The following DGKB variants were observed in gnomAD, a reference collection of about 807,000 sequenced individuals.
DGKB encodes the protein diacylglycerol kinase beta.
Under a neutral mutation model 114.3 loss-of-function variants are expected in DGKB, and 67 were observed. That is an observed-to-expected ratio of 0.59 (90% CI 0.48 to 0.72). The LOEUF is 0.72. DGKB is among the 30% of genes least tolerant of loss of function. DGKB has a pLI of 0.00. For synonymous variants in DGKB, 398 were observed against 323.1 expected (o/e 1.23, Z -2.49); for missense variants, 907 against 975.2 (o/e 0.93, Z 0.93).
intron 21 of DGKB, among the ~76,000 whole-genome samples, chr7:14,358,943 A>G (rs1815149519): frequency 6.6e-6 from 1 of 152,098 alleles, no homozygotes; most frequent in Non-Finnish European, 1.5e-5. Context: ...TTGGAAAAAA[A>G]CTACCTTAAA....
chr7:14,467,557 C>T (rs2128880594), intron 21 of DGKB, among the ~76,000 whole-genome samples: 1 of 152,116 alleles, frequency 6.6e-6, no homozygotes, highest in East Asian at 1.9e-4. Context: ...GGAACCATGG[C>T]ATTACATATC....
rs1781345055 is a variant in DGKB at position 14,145,107 on chromosome 7, A to C, written c.*4024T>G. ...ATATTGTATATATCATTTCTGAGAA[A>C]ATAATTAAGGTACTATAATTAAGTT... is the stretch of plus-strand genomic sequence containing the variant. On this transcript the variant is annotated 3_prime_UTR_variant, in exon 26 of 26. Transcript: ENST00000402815. The C allele has an allele frequency of 2.6e-5, 4 of 152,160 alleles. No homozygotes were observed. In the South Asian group the frequency reaches 8.3e-4, roughly 32 times the overall value. The allele number at this position is 152,160 out of a possible 1,614,324, so 9.4% of individuals were successfully genotyped here. A position where few individuals can be genotyped will look rare whatever the true frequency, so the allele number is the denominator to read the frequency against.
rs541898495 is a variant in DGKB, at chr7:14,516,147, C to G, written c.1771-37922G>C. 7.2e-5 allele frequency among the ~76,000 whole-genome samples: 11 copies of G among 152,144 alleles called. No individual in the cohort carries two copies. The East Asian group carries it at 2.1e-3, about 29-fold the overall frequency. ...ACAGGCATGAGCCACTGTGCTCAGCCATATTTTTAAAGAAAAACAATTTTT... is the reference window on the plus strand; with the variant it reads ...ACAGGCATGAGCCACTGTGCTCAGCGATATTTTTAAAGAAAAACAATTTTT... On this transcript the variant is annotated intron_variant, in intron 20 of 25. Transcript: ENST00000402815.
At chr7:14,316,456 C>T (rs1249070522) in intron 23 of DGKB, among the ~76,000 whole-genome samples, 19 of 130,598 alleles carry the variant, frequency 1.5e-4, no homozygotes, top group African/African-American at 3.1e-5. Flanking sequence ...GGGGATATCA[C>T]CACCGATCCC....
intron 13 of DGKB, among the ~76,000 whole-genome samples, chr7:14,634,410 G>T (rs534418746): frequency 1.3e-5 from 2 of 148,762 alleles, no homozygotes; most frequent in Non-Finnish European, 3.0e-5. Context: ...TAAGTGGTTT[G>T]GAAATAAAAT....
chr7:14,929,379 T>A (rs1784894075), intron 1 of DGKB, among the ~76,000 whole-genome samples: 1 of 152,080 alleles, frequency 6.6e-6, no homozygotes, highest in Non-Finnish European at 1.5e-5. Flanking sequence ...TATCTCCGCA[T>A]CCTCACCAAC....
chr7:14,477,384 A>G (rs1028588161), intron 21 of DGKB, among the ~76,000 whole-genome samples: 1 of 152,198 alleles, frequency 6.6e-6, no homozygotes, highest in African/African-American at 2.4e-5. Context: ...AAAGTCACTT[A>G]AATATCTATA....
intron 23 of DGKB, among the ~76,000 whole-genome samples, chr7:14,330,688 A>T (rs570282973): frequency 6.6e-6 from 1 of 152,138 alleles, no homozygotes; most frequent in Middle Eastern, 3.4e-3. Context: ...TACCTTCAGA[A>T]GACATATGAG....
At chr7:14,757,348 A>C (rs1011056959) in intron 3 of DGKB, among the ~76,000 whole-genome samples, 1 of 152,070 alleles carries the variant, frequency 6.6e-6, no homozygotes, top group African/African-American at 2.4e-5. Context: ...TATTCTTTCA[A>C]GCATACAATA....
intron 13 of DGKB, among the ~76,000 whole-genome samples, chr7:14,663,007 A>G (rs1404612): frequency 0.81 from 123,409 of 151,840 alleles, 50,241 homozygotes; most frequent in East Asian, 0.89. Context: ...ATGCATAGTT[A>G]TAAGCAATTT....
At chr7:14,877,071 C>T (rs1853401237) in intron 1 of DGKB, among the ~76,000 whole-genome samples, 1 of 152,044 alleles carries the variant, frequency 6.6e-6, no homozygotes, top group Non-Finnish European at 1.5e-5. Context: ...CTCATATAAC[C>T]ACAGTTAATC....
intron 21 of DGKB, among the ~76,000 whole-genome samples, chr7:14,448,473 C>A (rs1831029704): frequency 6.6e-6 from 1 of 151,922 alleles, no homozygotes; most frequent in Non-Finnish European, 1.5e-5. Flanking sequence ...TTTGATAAGA[C>A]TGGAAAGTGG....
intron 25 of DGKB, among the ~76,000 whole-genome samples, chr7:14,164,699 C>T (rs1043232952): frequency 4.0e-5 from 6 of 151,840 alleles, no homozygotes; most frequent in African/African-American, 9.7e-5. Context: ...ACACTTTGGC[C>T]GAATTTCAAA....
intron 1 of DGKB, among the ~76,000 whole-genome samples, chr7:14,974,371 G>C (rs991861327): frequency 6.6e-6 from 1 of 151,976 alleles, no homozygotes; most frequent in East Asian, 1.9e-4. Flanking sequence ...TTAAATCTTT[G>C]CTTAATTAAA....
intron 7 of DGKB, among the ~76,000 whole-genome samples, chr7:14,699,758 T>C (rs998201210): frequency 6.6e-6 from 1 of 152,078 alleles, no homozygotes; most frequent in Admixed American, 6.6e-5. Flanking sequence ...AGAAATGAAA[T>C]CCAGGCCTTT....
chr7:14,951,008 T>A lies in DGKB; in HGVS notation c.-188+23688A>T, dbSNP rs560015224. On this transcript the variant is annotated intron_variant, in intron 1 of 4. Coordinates refer to the DGKB transcript ENST00000437998. Reference sequence around the variant, plus strand: ...AACAGAAAGCATATAATCATGTCAATAGACACAGTAAAAACATTAGACAAA... The same window carrying A: ...AACAGAAAGCATATAATCATGTCAAAAGACACAGTAAAAACATTAGACAAA... Among the ~76,000 whole-genome samples, 4 of 152,112 alleles carry A rather than the reference T, an allele frequency of 2.6e-5. No homozygotes were observed. The East Asian group carries it at 7.8e-4, about 30-fold the overall frequency.
intron 23 of DGKB, among the ~76,000 whole-genome samples, chr7:14,279,443 A>G (rs1799556694): frequency 6.6e-6 from 1 of 152,186 alleles, no homozygotes; most frequent in Non-Finnish European, 1.5e-5. Context: ...ACAGACAAAC[A>G]AAAAGACAGC....
intron 1 of DGKB, among the ~76,000 whole-genome samples, chr7:14,942,406 T>C (rs969300238): frequency 2.0e-5 from 3 of 152,006 alleles, no homozygotes; most frequent in Non-Finnish European, 2.9e-5. Flanking sequence ...TCCTGTTCAT[T>C]TACATTATTA....
intron 13 of DGKB, among the ~76,000 whole-genome samples, chr7:14,657,509 A>G (rs1585407649): frequency 6.6e-6 from 1 of 152,048 alleles, no homozygotes; most frequent in East Asian, 1.9e-4. Context: ...TCTTTCAACA[A>G]AAAAGAACGT....
Sources: gnomAD v4.1 joint callset for allele counts (sites outside exome capture counted in the v4.1 genomes callset) on GRCh38, gnomAD v4.1.1 for gene constraint, MANE v1.5 for transcripts, NCBI Gene and HGNC (gene_info 2026-07-23, HGNC 2026-07-21) for gene names.